TENM4: variants seen among roughly 807,000 people sequenced by gnomAD.
TENM4 encodes teneurin transmembrane protein 4.
Under a neutral mutation model 243.3 loss-of-function variants are expected in TENM4, and 82 were observed. The observed-to-expected ratio is 0.34, with a 90% confidence interval of 0.28 to 0.40. The LOEUF is 0.40. Ranked by LOEUF, TENM4 falls within the 10% of genes least tolerant of loss-of-function variation. TENM4 has a pLI of 1.00. For synonymous variants in TENM4, 1,412 were observed against 1,456.3 expected (o/e 0.97, Z 0.69); for missense variants, 3,138 against 3,673.3 (o/e 0.85, Z 3.77).
At chr11:78,827,039 A>G (rs1330814667) in intron 12 of TENM4, among the ~76,000 whole-genome samples, 1 of 152,166 alleles carries the variant, frequency 6.6e-6, no homozygotes, top group African/African-American at 2.4e-5. Context: ...TTCACATACC[A>G]TCTGTCCTAT....
chr11:79,374,065 A>G (rs1857840777), intron 1 of TENM4, among the ~76,000 whole-genome samples: 1 of 152,182 alleles, frequency 6.6e-6, no homozygotes, highest in Non-Finnish European at 1.5e-5. Context: ...ACAGAGCTCA[A>G]CAAGTAAAAG....
chr11:79,229,335 C>A (rs915871406), intron 2 of TENM4, among the ~76,000 whole-genome samples: 2 of 152,254 alleles, frequency 1.3e-5, no homozygotes, highest in African/African-American at 4.8e-5. Flanking sequence ...CCACAACCTA[C>A]TTCTCCAGCA....
Position 78,656,726 on chromosome 11 carries a change from C to T in TENM4, c.*1332G>A. 1 of 280,398 alleles carries T rather than the reference C, an allele frequency of 3.6e-6. No homozygotes were observed. The highest frequency in any genetic ancestry group is 6.6e-6 in the Non-Finnish European group (1 of 151,900). The allele number at this position is 280,398 out of a possible 1,614,324, so 17.4% of individuals were successfully genotyped here. A position where few individuals can be genotyped will look rare whatever the true frequency, so the allele number is the denominator to read the frequency against. ...CAGGCCACACCACATCAGCTCTTCC[C>T]TCCTTTCTTCCTGTCACTAAAAAAC... On this transcript the variant is annotated 3_prime_UTR_variant, in exon 34 of 34. Transcript: ENST00000278550.
chr11:79,089,415 G>T (rs746022786), intron 4 of TENM4, among the ~76,000 whole-genome samples: 36 of 152,292 alleles, frequency 2.4e-4, no homozygotes, highest in Non-Finnish European at 3.5e-4. Flanking sequence ...AACAGGAAGG[G>T]CCCAGAGAAT....
chr11:78,829,955 T>A (rs577204208), intron 12 of TENM4, among the ~76,000 whole-genome samples: 11 of 152,260 alleles, frequency 7.2e-5, no homozygotes, highest in Admixed American at 6.5e-4. Context: ...CAATTAATGC[T>A]CCAACACCAT....
chr11:79,130,288 A>G (rs10793366), intron 4 of TENM4, among the ~76,000 whole-genome samples: 141,486 of 151,874 alleles, frequency 0.93, 66,560 homozygotes, highest in Middle Eastern at 1. Flanking sequence ...AAATGAGAAG[A>G]AAACAGAAAA....
intron 4 of TENM4, among the ~76,000 whole-genome samples, chr11:79,115,650 G>T (rs564726222): frequency 6.6e-6 from 1 of 152,286 alleles, no homozygotes; most frequent in Non-Finnish European, 1.5e-5. Context: ...ATGAGGGTGA[G>T]GCTTCTTAAT....
chr11:79,138,942 T>G, intron 4 of TENM4, among the ~76,000 whole-genome samples: 1 of 107,142 alleles, frequency 9.3e-6, no homozygotes, highest in South Asian at 2.7e-4. Context: ...ATATATAAAA[T>G]ATATATTATA....
At chr11:78,929,705 C>G (rs1395220248) in intron 6 of TENM4, among the ~76,000 whole-genome samples, 12 of 146,990 alleles carry the variant, frequency 8.2e-5, no homozygotes, top group Admixed American at 8.1e-4. Flanking sequence ...ATAAATACAG[C>G]CAAGCCAAGC....
At chr11:79,025,885 G>A (rs1330187991) in intron 6 of TENM4, among the ~76,000 whole-genome samples, 1 of 152,168 alleles carries the variant, frequency 6.6e-6, no homozygotes, top group Non-Finnish European at 1.5e-5. Context: ...TGTGCTACGG[G>A]GCTGGCTCCG....
In TENM4 at chr11:78,701,518, G is replaced by A; in HGVS notation, c.5087+8C>T. ...AAAATCATCAAATGGCCTTGTTTTA[G>A]TACTTACTCATAAAATGTTGTCCAT... is the stretch of plus-strand genomic sequence containing the variant. On this transcript the variant is annotated splice_region_variant and intron_variant, in intron 28 of 33. Coordinates refer to ENST00000278550, the MANE Select transcript of TENM4 (RefSeq NM_001098816.3). 1 of 1,569,834 alleles carries A rather than the reference G, an allele frequency of 6.4e-7. No individual in the cohort carries two copies. Among genetic ancestry groups the A allele is most frequent in the Non-Finnish European group, 8.7e-7 (1 of 1,151,910 alleles).
chr11:79,065,090 C>T, intron 5 of TENM4, 83 bp from the exon 6 acceptor site: 1 of 1,417,318 alleles, frequency 7.1e-7, no homozygotes, highest in Non-Finnish European at 9.2e-7. Flanking sequence ...GCCTTCTTAC[C>T]CCAGGGCTCA....
At chr11:78,996,409 C>T (rs960513917) in intron 6 of TENM4, among the ~76,000 whole-genome samples, 3 of 152,164 alleles carry the variant, frequency 2.0e-5, no homozygotes, top group East Asian at 3.9e-4. Context: ...AAGCCATCTT[C>T]GATGTTTTAG....
intron 9 of TENM4, among the ~76,000 whole-genome samples, chr11:78,879,990 G>A (rs563996602): frequency 5.4e-4 from 82 of 152,304 alleles, no homozygotes; most frequent in African/African-American, 1.9e-3. Flanking sequence ...CCATGATGAC[G>A]ATGGCGGTTT....
chr11:78,757,020 A>G lies in TENM4; in HGVS notation c.2541T>C (p.Asp847=). 1 of 1,613,624 alleles carries G rather than the reference A, an allele frequency of 6.2e-7. No individual in the cohort carries two copies. Residue 847 remains aspartate (D), a splice_region_variant and synonymous_variant, in exon 19 of 34, where the codon GAT becomes GAC. Transcript: ENST00000278550. ...ACGDSKDNDG[D]GLVDCMDPDC... Reference sequence around the variant, plus strand: ...CAGGGTCCATGCAGTCCACCAGGCCATCTGCAGGAGTGACAGAGCATGTGG... The same window carrying G: ...CAGGGTCCATGCAGTCCACCAGGCCGTCTGCAGGAGTGACAGAGCATGTGG...
intron 22 of TENM4, 120 bp from the exon 23 acceptor site, chr11:78,726,342 C>G: frequency 8.0e-7 from 1 of 1,248,024 alleles, no homozygotes; most frequent in Non-Finnish European, 1.1e-6. Flanking sequence ...GGTCATATTT[C>G]TAAGTGGCAA....
chr11:79,236,265 T>G (rs1322194599), intron 2 of TENM4, among the ~76,000 whole-genome samples: 1 of 152,206 alleles, frequency 6.6e-6, no homozygotes, highest in Non-Finnish European at 1.5e-5. Flanking sequence ...TGCACCTCGT[T>G]ATTTGTGGAA....
intron 1 of TENM4, among the ~76,000 whole-genome samples, chr11:79,334,664 C>T (rs1292524730): frequency 1.3e-5 from 2 of 152,166 alleles, no homozygotes; most frequent in South Asian, 4.1e-4. Context: ...CAAAGAAATC[C>T]TACTCCTAAA....
chr11:79,391,349 G>A (rs1010848390), intron 1 of TENM4, among the ~76,000 whole-genome samples: 23 of 152,028 alleles, frequency 1.5e-4, no homozygotes, highest in African/African-American at 5.1e-4. Flanking sequence ...CTCACCCAAT[G>A]TTTCTCAGTT....
Sources: gnomAD v4.1 joint callset for allele counts (sites outside exome capture counted in the v4.1 genomes callset) on GRCh38, gnomAD v4.1.1 for gene constraint, MANE v1.5 for transcripts, NCBI Gene and HGNC (gene_info 2026-07-23, HGNC 2026-07-21) for gene names.